EDA: variants seen among roughly 807,000 people sequenced by gnomAD.
The protein encoded by EDA is ectodysplasin A, also known as ectodysplasin-A.
Under a neutral mutation model 23.6 loss-of-function variants are expected in EDA, and 2 were observed. That is an observed-to-expected ratio of 0.08 (90% CI 0.03 to 0.27). The LOEUF is 0.27. Among genes scored for constraint, EDA ranks in the 10% least tolerant of loss-of-function variants. The pLI, the probability that EDA is intolerant of heterozygous loss-of-function variation, is 1.00. For missense variants in EDA, 229 were observed against 324.2 expected (o/e 0.71, Z 2.26); for synonymous variants, 131 against 132.0 (o/e 0.99, Z 0.05).
intron 1 of EDA, among the ~76,000 whole-genome samples, chrX:69,663,305 G>A (rs980175452): frequency 7.1e-5 from 8 of 112,077 alleles, no homozygotes; most frequent in African/African-American, 2.6e-4. Flanking sequence ...CCTGCTGTAT[G>A]TGCAGCCCAG....
At chrX:69,962,874 C>T (rs952364680) in intron 2 of EDA, among the ~76,000 whole-genome samples, 23 of 111,973 alleles carry the variant, frequency 2.1e-4, no homozygotes, top group African/African-American at 6.8e-4. Flanking sequence ...GAAATGCTCT[C>T]TATCAGCCAA....
intron 1 of EDA, among the ~76,000 whole-genome samples, chrX:69,787,144 G>A (rs2015218056): frequency 1.0e-5 from 1 of 98,957 alleles, no homozygotes; most frequent in African/African-American, 3.6e-5. Flanking sequence ...CATTTGCTTG[G>A]TAGATCTTCC....
chrX:70,033,924 A>G (rs1436782581), intron 7 of EDA, among the ~76,000 whole-genome samples: 1 of 111,330 alleles, frequency 9.0e-6, no homozygotes, highest in Non-Finnish European at 1.9e-5. Context: ...CTTTCCCTCA[A>G]CACTGCTGGC....
intron 1 of EDA, among the ~76,000 whole-genome samples, chrX:69,654,498 A>G (rs1415584897): frequency 2.7e-5 from 3 of 111,354 alleles, no homozygotes; most frequent in Non-Finnish European, 5.7e-5. Context: ...ACATGCACAC[A>G]TATGTTTATA....
At chrX:69,693,210 A>T (rs1045215830) in intron 1 of EDA, 3 of 111,079 alleles carry the variant, frequency 2.7e-5, no homozygotes, top group Non-Finnish European at 5.7e-5. Flanking sequence ...TCATGAATTG[A>T]GCAACCCTCA....
intron 1 of EDA, among the ~76,000 whole-genome samples, chrX:69,931,067 T>C (rs757508695): frequency 3.6e-5 from 4 of 110,973 alleles, no homozygotes; most frequent in East Asian, 2.8e-4. Flanking sequence ...CTAAACAACT[T>C]TGAAAAAAGA....
At chrX:69,682,550 A>G (rs1049553138) in intron 1 of EDA, among the ~76,000 whole-genome samples, 1 of 112,141 alleles carries the variant, frequency 8.9e-6, no homozygotes, top group African/African-American at 3.2e-5. Context: ...CCCCTCGGAA[A>G]TGCGCAGTAT....
chrX:69,951,412 G>A (rs374138732), intron 1 of EDA, among the ~76,000 whole-genome samples: 16 of 110,985 alleles, frequency 1.4e-4, no homozygotes, highest in South Asian at 7.7e-4. Context: ...ATAAGATACC[G>A]AATCTCTGGT....
chrX:69,711,779 G>A (rs1292666914), intron 1 of EDA, among the ~76,000 whole-genome samples: 13 of 111,607 alleles, frequency 1.2e-4, no homozygotes, highest in African/African-American at 1.6e-4. Flanking sequence ...GTTTATTTGC[G>A]TAGAGGTGTT....
intron 1 of EDA, among the ~76,000 whole-genome samples, chrX:69,761,961 T>C (rs1283997645): frequency 9.0e-6 from 1 of 111,290 alleles, no homozygotes; most frequent in Admixed American, 9.6e-5. Context: ...TTATTTATGT[T>C]TTTACGGGTA....
At chrX:69,632,147 A>G (rs757858937) in intron 1 of EDA, among the ~76,000 whole-genome samples, 91 of 111,739 alleles carry the variant, frequency 8.1e-4, no homozygotes, top group African/African-American at 2.8e-3. Context: ...GTAATAGGAA[A>G]TCTAGGTGCC....
At chrX:69,975,265 C>T (rs191111896) in intron 2 of EDA, among the ~76,000 whole-genome samples, 42 of 111,614 alleles carry the variant, frequency 3.8e-4, no homozygotes, top group African/African-American at 1.1e-3. Flanking sequence ...TCATATACAC[C>T]GTGGAATATA....
chrX:69,741,523 G>T (rs2013460748), intron 1 of EDA, among the ~76,000 whole-genome samples: 1 of 111,516 alleles, frequency 9.0e-6, no homozygotes. Context: ...TCTATTTGAT[G>T]GTTTCTTTTT....
intron 1 of EDA, among the ~76,000 whole-genome samples, chrX:69,687,283 G>A (rs1396748150): frequency 1.0e-5 from 1 of 99,623 alleles, no homozygotes; most frequent in Admixed American, 1.1e-4. Flanking sequence ...TTTTTTAGTT[G>A]TAAGTGTTCT....
intron 1 of EDA, among the ~76,000 whole-genome samples, chrX:69,635,564 A>ATTTTTTTTT (rs1233151859): frequency 3.7e-5 from 1 of 26,967 alleles, no homozygotes; most frequent in African/African-American, 4.4e-4. Context: ...CTAACACCAA[A>ATTTTTTTTT]TCTTTTTTTT....
rs756784404 is a variant in EDA, at chrX:69,952,889, A to G, written c.397-4138A>G. On this transcript the variant is annotated intron_variant, in intron 1 of 7. Coordinates refer to ENST00000374552, the MANE Select transcript of EDA (RefSeq NM_001399.5). ...CAGAACTCCCATAGGAGCTCAGCCC[A>G]TGAGGGAGCACAACAAGTATGAGGG... 4.4e-5 allele frequency among the ~76,000 whole-genome samples: 5 copies of G among 112,501 alleles called. No homozygotes were observed. The South Asian group carries it at 1.9e-3, about 42-fold the overall frequency.
chrX:69,648,820 T>C (rs1283903243), intron 1 of EDA, among the ~76,000 whole-genome samples: 2 of 111,786 alleles, frequency 1.8e-5, no homozygotes, highest in East Asian at 2.8e-4. Context: ...GGTTTCTGTG[T>C]GTGCCTGAGT....
At chrX:69,663,737 CT>C (rs1330072219) in intron 1 of EDA, among the ~76,000 whole-genome samples, 2 of 112,256 alleles carry the variant, frequency 1.8e-5, no homozygotes, top group Non-Finnish European at 3.8e-5. Flanking sequence ...CAACGCCACC[CT>C]GTTAAAGCAG....
In EDA at chrX:69,752,997, A is replaced by G. The variant is rs1471591636; in HGVS notation, c.396+136293A>G. Among the ~76,000 whole-genome samples, 3 of 111,392 alleles carry G rather than the reference A, an allele frequency of 2.7e-5. No individual in the cohort carries two copies. In the Admixed American group the frequency reaches 2.9e-4, roughly 11 times the overall value. ...TCTTTATTAGTCTTGCTAGCGGTCT[A>G]TCAATTTTGTTGATCTTTTCAAAAA... On this transcript the variant is annotated intron_variant, in intron 1 of 7. Transcript: ENST00000374552.
Sources: allele counts gnomAD v4.1 joint callset (sites outside exome capture counted in the v4.1 genomes callset), GRCh38; gene constraint gnomAD v4.1.1; transcripts MANE v1.5; gene names NCBI Gene and HGNC (gene_info 2026-07-23, HGNC 2026-07-21).